The following SLIT3 variants were observed in gnomAD, a reference collection of about 807,000 sequenced individuals.
SLIT3 encodes the protein slit guidance ligand 3.
Under a neutral mutation model 184.0 loss-of-function variants are expected in SLIT3, and 68 were observed. That is an observed-to-expected ratio of 0.37 (90% CI 0.30 to 0.45). The LOEUF is 0.45. Ranked by LOEUF, SLIT3 falls within the 20% of genes least tolerant of loss-of-function variation. The pLI is 1.00. For synonymous variants in SLIT3, 831 were observed against 828.6 expected (o/e 1.00, Z -0.05); for missense variants, 1,707 against 2,026.0 (o/e 0.84, Z 3.02).
rs1396032924 is a variant in SLIT3 at position 169,102,564 on chromosome 5, A to T, written c.413+90915T>A. On this transcript the variant is annotated intron_variant, in intron 4 of 35. Transcript: ENST00000519560. ...TTAGATGTATTTTAAAATTTGTATT[A>T]TTTTTATTATCGTATTATTTTTCCC... 1.3e-5 allele frequency among the ~76,000 whole-genome samples: 2 copies of T among 152,146 alleles called. 1 individual carries two copies. The highest frequency in any genetic ancestry group is 3.8e-4 in the East Asian group (2 of 5,196).
intron 2 of SLIT3, among the ~76,000 whole-genome samples, chr5:169,250,706 T>C (rs1448302060): frequency 6.6e-6 from 1 of 152,222 alleles, no homozygotes; most frequent in Non-Finnish European, 1.5e-5. Context: ...GCCACACTTA[T>C]GGGTCAAAAT....
intron 14 of SLIT3, among the ~76,000 whole-genome samples, chr5:168,763,808 T>C (rs1755239778): frequency 6.6e-6 from 1 of 152,152 alleles, no homozygotes; most frequent in Non-Finnish European, 1.5e-5. Context: ...ACTAGCACAA[T>C]GCGAGACACA....
intron 1 of SLIT3, among the ~76,000 whole-genome samples, chr5:169,289,998 T>TATGCTAGA: frequency 6.6e-6 from 1 of 150,532 alleles, no homozygotes; most frequent in Admixed American, 6.6e-5. Flanking sequence ...CACTAGGGCA[T>TATGCTAGA]ACACTAGGGC....
intron 18 of SLIT3, chr5:168,752,668 T>C: frequency 5.1e-6 from 2 of 394,378 alleles, no homozygotes; most frequent in Admixed American, 4.0e-5. Context: ...GTGTTAGGAT[T>C]ACAGGCGTGA....
At chr5:168,679,097 C>T (rs888452799) in intron 32 of SLIT3, among the ~76,000 whole-genome samples, 3 of 152,212 alleles carry the variant, frequency 2.0e-5, no homozygotes, top group South Asian at 2.1e-4. Context: ...CTTGCTCTCT[C>T]ACCCAGGCTG....
At chr5:169,263,552 G>A in intron 1 of SLIT3, 1 of 431,946 alleles carries the variant, frequency 2.3e-6, no homozygotes. Flanking sequence ...CGAGGCTCCA[G>A]AAGTCTGAAA....
At chr5:168,943,500 T>C (rs75522134) in intron 4 of SLIT3, among the ~76,000 whole-genome samples, 2 of 152,344 alleles carry the variant, frequency 1.3e-5, no homozygotes, top group East Asian at 1.9e-4. Context: ...ATCTGAGTAG[T>C]AATCTCAGTT....
intron 4 of SLIT3, among the ~76,000 whole-genome samples, chr5:168,981,730 G>A (rs902764766): frequency 6.6e-6 from 1 of 152,176 alleles, no homozygotes; most frequent in South Asian, 2.1e-4. Flanking sequence ...TACAGCATCT[G>A]CTCTCATATT....
intron 1 of SLIT3, among the ~76,000 whole-genome samples, chr5:169,289,149 C>T (rs762936638): frequency 6.6e-6 from 1 of 152,178 alleles, no homozygotes; most frequent in African/African-American, 2.4e-5. Context: ...TCAGACAGGT[C>T]GGGCAGTTAG....
intron 7 of SLIT3, among the ~76,000 whole-genome samples, chr5:168,819,869 C>T (rs1276226872): frequency 6.6e-6 from 1 of 152,054 alleles, no homozygotes; most frequent in Non-Finnish European, 1.5e-5. Flanking sequence ...CCCAAGAGCA[C>T]CAGAGGAAAG....
At chr5:169,169,385 A>G (rs1036556342) in intron 4 of SLIT3, among the ~76,000 whole-genome samples, 1 of 152,210 alleles carries the variant, frequency 6.6e-6, no homozygotes, top group South Asian at 2.1e-4. Context: ...GTAATATATC[A>G]TTACATGGCT....
chr5:169,146,277 A>G (rs1209310947), intron 4 of SLIT3, among the ~76,000 whole-genome samples: 1 of 152,268 alleles, frequency 6.6e-6, no homozygotes, highest in Admixed American at 6.5e-5. Context: ...ATTTGTTCTT[A>G]ACCGCAAAAC....
intron 4 of SLIT3, among the ~76,000 whole-genome samples, chr5:169,011,424 G>A (rs1364927228): frequency 3.3e-5 from 5 of 152,150 alleles, no homozygotes; most frequent in Non-Finnish European, 5.9e-5. Flanking sequence ...CATCTTCCAG[G>A]CCAGGTGACA....
intron 16 of SLIT3, among the ~76,000 whole-genome samples, chr5:168,759,043 C>T (rs191491017): frequency 5.1e-4 from 77 of 152,272 alleles, no homozygotes; most frequent in Admixed American, 1.2e-3. Context: ...AAGTGAATTT[C>T]GTGTTTAGAC....
At chr5:168,934,980 A>C (rs1394895744) in intron 4 of SLIT3, among the ~76,000 whole-genome samples, 10 of 150,698 alleles carry the variant, frequency 6.6e-5, no homozygotes, top group Non-Finnish European at 1.2e-4. Context: ...AAAAAAAAAA[A>C]AACAAAAATT....
intron 4 of SLIT3, among the ~76,000 whole-genome samples, chr5:169,025,522 T>G (rs1756782385): frequency 6.6e-6 from 1 of 152,204 alleles, no homozygotes; most frequent in African/African-American, 2.4e-5. Context: ...CATGAACATC[T>G]TTTGCAAGAT....
At position 169,300,454 on chromosome 5, in the gene SLIT3, G is replaced by T; in HGVS notation, c.197+59C>A. On this transcript the variant is annotated intron_variant, in intron 1 of 35. Coordinates refer to ENST00000519560, the MANE Select transcript of SLIT3 (RefSeq NM_003062.4). The surrounding 1 kb of genome is among the most constrained non-coding windows in gnomAD (Gnocchi z 4.1). The stretch of plus-strand genomic sequence containing the variant: ...GGGGAAAGGACGGATCTGGCGCCTG[G>T]GGCCCCCTCGGTGGGACCCAGGTGG... 7.2e-7 allele frequency: 1 copy of T among 1,392,596 alleles called. No individual in the cohort carries two copies. The highest frequency in any genetic ancestry group is 9.3e-7 in the Non-Finnish European group (1 of 1,075,692). The allele number at this position is 1,392,596 out of a possible 1,614,324, so 86.3% of individuals were successfully genotyped here.
chr5:169,195,122 G>T (rs578143285), intron 3 of SLIT3, among the ~76,000 whole-genome samples: 1 of 152,246 alleles, frequency 6.6e-6, no homozygotes, highest in Admixed American at 6.5e-5. Context: ...CCCCATCTGA[G>T]AGCTAAAGCT....
At chr5:169,136,198 T>C (rs1489613224) in intron 4 of SLIT3, among the ~76,000 whole-genome samples, 1 of 152,026 alleles carries the variant, frequency 6.6e-6, no homozygotes, top group Non-Finnish European at 1.5e-5. Flanking sequence ...TCAGAAATCG[T>C]GGGTAGTTTC....
Sources: gnomAD v4.1 joint callset for allele counts (sites outside exome capture counted in the v4.1 genomes callset) on GRCh38, gnomAD v4.1.1 for gene constraint, Gnocchi (gnomAD v3.1) non-coding constraint, MANE v1.5 for transcripts, NCBI Gene and HGNC (gene_info 2026-07-23, HGNC 2026-07-21) for gene names.